NSMAF: variants seen among roughly 807,000 people sequenced by gnomAD.
The protein encoded by NSMAF is protein FAN.
NSMAF carries 90 observed loss-of-function variants against 134.9 expected under a neutral mutation model. That is an observed-to-expected ratio of 0.67 (90% CI 0.56 to 0.79). NSMAF has a LOEUF of 0.79. Among genes scored for constraint, NSMAF ranks in the 30% least tolerant of loss-of-function variants. The probability of loss-of-function intolerance (pLI) is 0.00; values close to 1 mark genes in which losing one functional copy is unlikely to be tolerated. For synonymous variants in NSMAF, 358 were observed against 389.6 expected, an observed-to-expected ratio of 0.92 and a Z score of 0.96; for missense variants, 1,010 against 1,119.0, an observed-to-expected ratio of 0.90 and a Z score of 1.39.
At chr8:58,623,911 G>A (rs1451265199) in intron 6 of NSMAF, 131 bp from the exon 7 acceptor site, 12 of 658,382 alleles carry the variant, frequency 1.8e-5, no homozygotes, top group African/African-American at 3.7e-5. Context: ...CTTCCCCACT[G>A]GAATGAGAGT....
At position 58,588,737 on chromosome 8, in the gene NSMAF, G is replaced by A. The variant is rs1287971907; in HGVS notation, c.2211+715C>T. The A allele has an allele frequency of 3.2e-5, 47 of 1,452,448 alleles. 1 individual carries two copies. The highest frequency in any genetic ancestry group is 2.0e-4 in the South Asian group (18 of 87,892). The allele number at this position is 1,452,448 out of a possible 1,614,324, so 90.0% of individuals were successfully genotyped here. On this transcript the variant is annotated intron_variant, in intron 26 of 30. Coordinates refer to ENST00000038176, the MANE Select transcript of NSMAF (RefSeq NM_003580.4). ...ACGTGGCCGCGGCCCTTTTTGGCAC[G>A]ACCATTGTTCCTTCTTTTCTTTGTC...
chr8:58,615,147 T>TA (rs1252206815), intron 9 of NSMAF, among the ~76,000 whole-genome samples: 1 of 152,108 alleles, frequency 6.6e-6, no homozygotes, highest in Non-Finnish European at 1.5e-5. Flanking sequence ...AAGAAGACAT[T>TA]ACGCATCTTA....
chr8:58,585,786 C>T (rs1033621453), intron 29 of NSMAF, 25 bp from the exon 30 acceptor site: 2 of 1,602,498 alleles, frequency 1.2e-6, no homozygotes, highest in Non-Finnish European at 1.7e-6. Flanking sequence ...TAGAAATAGT[C>T]CTTTCTTCAT....
At chr8:58,613,362 T>C (rs1806575538) in intron 9 of NSMAF, among the ~76,000 whole-genome samples, 1 of 152,056 alleles carries the variant, frequency 6.6e-6, no homozygotes, top group South Asian at 2.1e-4. Flanking sequence ...TGGAGTAAGG[T>C]TCTTGTATTG....
At chr8:58,608,524 G>T (rs150658367) in intron 10 of NSMAF, among the ~76,000 whole-genome samples, 118 of 152,292 alleles carry the variant, frequency 7.7e-4, no homozygotes, top group African/African-American at 2.7e-3. Flanking sequence ...CTGCCCCGGA[G>T]TCCCAGAGTC....
chr8:58,634,818 C>T (rs1382234110), intron 5 of NSMAF, among the ~76,000 whole-genome samples: 1 of 152,158 alleles, frequency 6.6e-6, no homozygotes, highest in Non-Finnish European at 1.5e-5. Flanking sequence ...GACCACCAAT[C>T]CCAAGTCATT....
At chr8:58,656,686 C>T (rs1214106393) in intron 1 of NSMAF, among the ~76,000 whole-genome samples, 2 of 151,930 alleles carry the variant, frequency 1.3e-5, no homozygotes, top group Admixed American at 1.3e-4. Flanking sequence ...AAAAATTAGC[C>T]GGGCGTGGTG....
chr8:58,612,805 T>C (rs1159764933), intron 9 of NSMAF, among the ~76,000 whole-genome samples: 3 of 152,056 alleles, frequency 2.0e-5, no homozygotes, highest in Non-Finnish European at 4.4e-5. Flanking sequence ...GACAGCATAG[T>C]AGGAATTTCC....
chr8:58,594,513 T>C (rs989708885), intron 22 of NSMAF: 1 of 553,228 alleles, frequency 1.8e-6, no homozygotes, highest in Non-Finnish European at 3.2e-6. Flanking sequence ...ACTCTTTGCT[T>C]CCCTGTGTTC....
chr8:58,636,535 C>A (rs1408116285), intron 2 of NSMAF, among the ~76,000 whole-genome samples: 1 of 152,196 alleles, frequency 6.6e-6, no homozygotes, highest in East Asian at 1.9e-4. Flanking sequence ...CTTCTCTCAC[C>A]TAAAGGTTTT....
At chr8:58,600,349 G>A (rs1806250731) in intron 16 of NSMAF, among the ~76,000 whole-genome samples, 1 of 152,016 alleles carries the variant, frequency 6.6e-6, no homozygotes, top group Non-Finnish European at 1.5e-5. Flanking sequence ...CACTGGTAGG[G>A]CGCGGTGGCT....
chr8:58,594,239 T>A lies in NSMAF; in HGVS notation c.1944A>T (p.Thr648=). ...TCGGGGAGGAACACTGACCTTGGGA[T>A]GTTGTGAATACTGAAGATCCATTGC... ...VSRNGSSVFT[T]SQDSTLKMFS... Residue 648 remains threonine (T), a synonymous_variant, in exon 23 of 31, where the codon ACA becomes ACT. Coordinates refer to ENST00000038176, the MANE Select transcript of NSMAF (RefSeq NM_003580.4). 6.2e-7 allele frequency: 1 copy of A among 1,614,086 alleles called. No individual in the cohort carries two copies. Among genetic ancestry groups the A allele is most frequent in the Non-Finnish European group, 8.5e-7 (1 of 1,179,930 alleles).
intron 1 of NSMAF, among the ~76,000 whole-genome samples, chr8:58,653,273 C>T (rs554579071): frequency 2.2e-3 from 333 of 151,716 alleles, no homozygotes; most frequent in African/African-American, 7.4e-3. Context: ...TTATTTAATC[C>T]AAAGGAAGAA....
intron 13 of NSMAF, among the ~76,000 whole-genome samples, chr8:58,602,738 A>T (rs572468115): frequency 6.6e-6 from 1 of 152,332 alleles, no homozygotes; most frequent in South Asian, 2.1e-4. Flanking sequence ...AGAAGAGTAG[A>T]TATACCCCAA....
At chr8:58,602,251 A>C in intron 13 of NSMAF, 114 bp from the exon 14 acceptor site, 1 of 686,186 alleles carries the variant, frequency 1.5e-6, no homozygotes, top group South Asian at 2.2e-5. Context: ...AATTGAGAGC[A>C]ATCCATGAGA....
At chr8:58,623,496 GAGA>G in intron 7 of NSMAF, 72 bp from the exon 8 acceptor site, 1 of 1,433,284 alleles carries the variant, frequency 7.0e-7, no homozygotes, top group Non-Finnish European at 9.8e-7. Context: ...TAGAAGCAAT[GAGA>G]AACAGCAATC....
At chr8:58,624,135 G>A (rs1209545729) in intron 6 of NSMAF, among the ~76,000 whole-genome samples, 1 of 145,608 alleles carries the variant, frequency 6.9e-6, no homozygotes, top group Non-Finnish European at 1.5e-5. Flanking sequence ...TCCGTCTCCT[G>A]GGTTCAAGTG....
chr8:58,599,525 G>GA (rs1806225195), intron 18 of NSMAF, 162 bp from the exon 19 acceptor site: 5 of 955,724 alleles, frequency 5.2e-6, no homozygotes, highest in Admixed American at 3.1e-5. Context: ...GTTTTTTGGG[G>GA]AAAAAAGTGG....
intron 1 of NSMAF, among the ~76,000 whole-genome samples, chr8:58,650,745 T>C (rs1161097798): frequency 2.0e-5 from 3 of 152,234 alleles, no homozygotes; most frequent in African/African-American, 7.2e-5. Flanking sequence ...GTTCATTTCA[T>C]TGCTACTTGG....
Sources: allele counts gnomAD v4.1 joint callset (sites outside exome capture counted in the v4.1 genomes callset), GRCh38; gene constraint gnomAD v4.1.1; transcripts MANE v1.5; gene names NCBI Gene and HGNC (gene_info 2026-07-23, HGNC 2026-07-21).